Variants in APBA1 observed in about 807,000 individuals in gnomAD.
The protein encoded by APBA1 is amyloid beta precursor protein binding family A member 1.
In APBA1, 55 loss-of-function variants were observed where a neutral mutation model predicts 86.6. The observed-to-expected ratio is 0.64, with a 90% CI of 0.51 to 0.80. The LOEUF is 0.80. APBA1 is among the 30% of genes least tolerant of loss of function. The pLI, the probability that APBA1 is intolerant of heterozygous loss-of-function variation, is 0.00. For missense variants in APBA1, 1,090 were observed against 1,183.0 expected, an observed-to-expected ratio of 0.92 and a Z score of 1.15; for synonymous variants, 511 against 493.9, an observed-to-expected ratio of 1.03 and a Z score of -0.46.
intron 9 of APBA1, 96 bp downstream of exon 9, chr9:69,452,019 TCCTCACC>T: frequency 9.1e-7 from 1 of 1,096,054 alleles, no homozygotes; most frequent in Non-Finnish European, 1.4e-6. Context: ...AATACGGCAC[TCCTCACC>T]ATTGATCTCC....
At chr9:69,657,107 G>A (rs995529205) in intron 1 of APBA1, among the ~76,000 whole-genome samples, 4 of 152,222 alleles carry the variant, frequency 2.6e-5, no homozygotes, top group Admixed American at 6.5e-5. Flanking sequence ...GGCCTCCCAA[G>A]GTGCTGGGAT....
intron 2 of APBA1, among the ~76,000 whole-genome samples, chr9:69,483,510 T>C (rs1207509592): frequency 6.6e-6 from 1 of 151,984 alleles, no homozygotes; most frequent in African/African-American, 2.4e-5. Flanking sequence ...AAGGGGGAGC[T>C]TGGTGAGCAT....
intron 1 of APBA1, among the ~76,000 whole-genome samples, chr9:69,525,597 A>G (rs1156279371): frequency 6.6e-6 from 1 of 151,924 alleles, no homozygotes; most frequent in Non-Finnish European, 1.5e-5. Flanking sequence ...GACACAAACA[A>G]AGGGTAAAAT....
chr9:69,462,109 A>G (rs956693851), intron 5 of APBA1: 5 of 152,246 alleles, frequency 3.3e-5, no homozygotes, highest in African/African-American at 1.2e-4. Flanking sequence ...ATGGACCACA[A>G]GATACCTATA....
chr9:69,640,907 AGGAGAGGGGAGAGG>A (rs545382678), intron 1 of APBA1, among the ~76,000 whole-genome samples: 2 of 149,558 alleles, frequency 1.3e-5, no homozygotes, highest in African/African-American at 2.5e-5. Context: ...ATAAGGAAAG[AGGAGAGGGGAGAGG>A]GGAGAGGGGA....
chr9:69,581,219 A>G (rs1709386443), intron 1 of APBA1, among the ~76,000 whole-genome samples: 1 of 152,042 alleles, frequency 6.6e-6, no homozygotes, highest in African/African-American at 2.4e-5. Context: ...TTTTCCCCTC[A>G]CCCTGCCCTG....
At position 69,452,126 on chromosome 9, in the gene APBA1, T is replaced by A. The variant is rs1270804607; in HGVS notation, c.1964A>T (p.Lys655Ile). ...CAGCTTCAGGTAAGTACCCACATCT[T>A]TACAGTTTTCCGACTTGGAGAAGTG... is the stretch of plus-strand genomic sequence containing the variant. ...LIHFSKSENC[K>I]DVFIEKQKGE... is the part of the protein sequence containing the mutation. The change falls in exon 9 of 13, where the codon AAA (lysine) becomes ATA (isoleucine). Residue 655 changes from lysine to isoleucine, a missense_variant. By Grantham distance (102) the Lys-to-Ile change is moderately radical. Transcript: ENST00000265381. 2.5e-6 allele frequency: 4 copies of A among 1,613,876 alleles called. No homozygotes were observed. The East Asian group carries it at 8.9e-5, about 36-fold the overall frequency.
chr9:69,543,704 AGT>A (rs1314568738), intron 1 of APBA1, among the ~76,000 whole-genome samples: 10 of 152,352 alleles, frequency 6.6e-5, no homozygotes, highest in African/African-American at 2.4e-4. Context: ...AGAAAGGCTG[AGT>A]AACTTTCCCA....
intron 1 of APBA1, among the ~76,000 whole-genome samples, chr9:69,537,106 TC>T (rs1442754516): frequency 6.6e-6 from 1 of 151,000 alleles, no homozygotes; most frequent in Non-Finnish European, 1.5e-5. Context: ...CTTAGTAATT[TC>T]CCCCCATCTC....
intron 1 of APBA1, among the ~76,000 whole-genome samples, chr9:69,632,049 A>C (rs1823057776): frequency 6.6e-6 from 1 of 151,956 alleles, no homozygotes; most frequent in Non-Finnish European, 1.5e-5. Context: ...AAGTATAATA[A>C]AAAATAAAAA....
chr9:69,578,576 C>T (rs770799238), intron 1 of APBA1, among the ~76,000 whole-genome samples: 7 of 152,280 alleles, frequency 4.6e-5, no homozygotes, highest in African/African-American at 1.2e-4. Context: ...TAAAAAATCA[C>T]GGTTTCTCAA....
chr9:69,516,780 C>T lies in APBA1; in HGVS notation c.431G>A (p.Arg144His). Residue 144 changes from arginine to histidine, a missense_variant, in exon 2 of 13, where the codon CGC becomes CAC. By Grantham distance (29) the Arg-to-His change is conservative. Transcript: ENST00000265381. The surrounding 1 kb of genome is among the most constrained non-coding windows in gnomAD (Gnocchi z 7.3). ...GAAGTGCAGGTGGTTGGGCAGCGCG[C>T]GGCGGTGCGTGGCCTCGGCGTGCTC... ...EAEHAEATHRRALPNHLHFHS... is the reference protein window; with the variant it reads ...EAEHAEATHRHALPNHLHFHS... The T allele has an allele frequency of 1.2e-6, 2 of 1,611,080 alleles. No individual in the cohort carries two copies. The highest frequency in any genetic ancestry group is 1.7e-5 in the Admixed American group (1 of 59,962).
intron 9 of APBA1, 68 bp downstream of exon 9, chr9:69,452,054 G>T: frequency 6.9e-7 from 1 of 1,455,970 alleles, no homozygotes; most frequent in South Asian, 1.2e-5. Flanking sequence ...TCCGCGGCAG[G>T]GTGCCCCACT....
At chr9:69,571,708 A>G (rs1202767611) in intron 1 of APBA1, among the ~76,000 whole-genome samples, 1 of 152,214 alleles carries the variant, frequency 6.6e-6, no homozygotes, top group African/African-American at 2.4e-5. Flanking sequence ...TAGTGTTGAT[A>G]ACTATTATTT....
intron 1 of APBA1, among the ~76,000 whole-genome samples, chr9:69,580,355 G>C (rs1821890792): frequency 1.3e-5 from 2 of 152,124 alleles, no homozygotes; most frequent in East Asian, 1.9e-4. Context: ...CTTTACTTCA[G>C]ATCAAGCCCT....
intron 5 of APBA1, among the ~76,000 whole-genome samples, chr9:69,458,542 T>G (rs9410852): frequency 0.21 from 31,921 of 152,166 alleles, 3,474 homozygotes; most frequent in South Asian, 0.31. Context: ...TTCTACTTTC[T>G]TTGGGTTTAA....
chr9:69,656,856 T>TG (rs1823622403), intron 1 of APBA1, among the ~76,000 whole-genome samples: 1 of 151,182 alleles, frequency 6.6e-6, no homozygotes, highest in Non-Finnish European at 1.5e-5. Flanking sequence ...TTTTTTTTTT[T>TG]GAGACGGAGT....
At chr9:69,488,644 C>T (rs903613554) in intron 2 of APBA1, among the ~76,000 whole-genome samples, 10 of 152,092 alleles carry the variant, frequency 6.6e-5, no homozygotes, top group African/African-American at 1.2e-4. Context: ...GCTGCCAAGA[C>T]GGGCAAGGGG....
chr9:69,617,418 C>T (rs1331768148), intron 1 of APBA1, among the ~76,000 whole-genome samples: 1 of 152,008 alleles, frequency 6.6e-6, no homozygotes, highest in Non-Finnish European at 1.5e-5. Context: ...AGAAACTAGG[C>T]AACTATATTT....
Sources: gnomAD v4.1 joint callset for allele counts (sites outside exome capture counted in the v4.1 genomes callset) on GRCh38, gnomAD v4.1.1 for gene constraint, Gnocchi (gnomAD v3.1) non-coding constraint, MANE v1.5 for transcripts, NCBI Gene and HGNC (gene_info 2026-07-23, HGNC 2026-07-21) for gene names.